PGF: variants seen among roughly 807,000 people sequenced by gnomAD.
PGF encodes placental growth factor, also known as placenta growth factor.
In PGF, 11 loss-of-function variants were observed where a neutral mutation model predicts 25.3. The ratio of observed to expected loss-of-function variants is 0.43; its 90% CI spans 0.27 to 0.72. PGF has a LOEUF of 0.72. Ranked by LOEUF, PGF falls within the 30% of genes least tolerant of loss-of-function variation. The probability of loss-of-function intolerance (pLI) is 0.18; values close to 1 mark genes in which losing one functional copy is unlikely to be tolerated. For synonymous variants in PGF, 105 were observed against 97.9 expected (o/e 1.07, Z -0.43); for missense variants, 230 against 234.9 (o/e 0.98, Z 0.14).
chr14:74,948,438 C>A, intron 4 of PGF, 69 bp downstream of exon 4: 1 of 950,582 alleles, frequency 1.1e-6, no homozygotes, highest in South Asian at 1.5e-5. Flanking sequence ...GCCCTGGGAC[C>A]CATCTTTGCT....
Position 74,946,359 on chromosome 14 carries a change from G to A in PGF, c.422+20C>T. ...CTGGCAGGCCCGAGAATAGCCCCGA[G>A]CCCCAGCCAAACCACTTACCTTTCC... On this transcript the variant is annotated intron_variant, in intron 5 of 6. Coordinates refer to ENST00000555567, the MANE Select transcript of PGF (RefSeq NM_002632.6). The A allele has an allele frequency of 6.2e-7, 1 of 1,613,514 alleles. No individual in the cohort carries two copies. The highest frequency in any genetic ancestry group is 8.5e-7 in the Non-Finnish European group (1 of 1,179,600).
chr14:74,951,304 A>G (rs1427636187), intron 2 of PGF, among the ~76,000 whole-genome samples: 1 of 152,170 alleles, frequency 6.6e-6, no homozygotes, highest in Non-Finnish European at 1.5e-5. Context: ...CCAGTGGGAA[A>G]CAAGGCCTCT....
At chr14:74,949,047 G>C (rs1191242595) in intron 3 of PGF, among the ~76,000 whole-genome samples, 1 of 152,184 alleles carries the variant, frequency 6.6e-6, no homozygotes, top group African/African-American at 2.4e-5. Flanking sequence ...AGCTGCACTT[G>C]CTTGAAAAGG....
rs777939531 is a variant in PGF at position 74,953,278 on chromosome 14, C to G, written c.118+626G>C. On this transcript the variant is annotated intron_variant, in intron 2 of 6. Transcript: ENST00000555567. The surrounding 1 kb of genome is among the most constrained non-coding windows in gnomAD (Gnocchi z 5.4). ...GGCCACTTTGCACGTCTTGGAGAGG[C>G]AGGGAGGGAGGAGCGAGGTAGGGGG... 1.2e-4 allele frequency among the ~76,000 whole-genome samples: 19 copies of G among 152,188 alleles called. No homozygotes were observed. Among genetic ancestry groups the G allele is most frequent in the Non-Finnish European group, 2.2e-4 (15 of 68,008 alleles).
chr14:74,955,194 G>T lies in PGF; in HGVS notation c.49C>A (p.Leu17Met). ...TGGGGGGGCACAGCAGGCAGCGCCA[G>T]CCCGGCCAGGAGCTGCAGGAAGCAA... ...FPCFLQLLAG[L>M]ALPAVPPQQW... is the part of the protein sequence containing the mutation. The change falls in exon 1 of 7, where the codon CTG becomes ATG. Residue 17 changes from leucine (L) to methionine (M), a missense_variant. By Grantham distance (15) the Leu-to-Met change is conservative (BLOSUM62 2). Transcript: ENST00000555567. The surrounding 1 kb of genome is among the most constrained non-coding windows in gnomAD (Gnocchi z 4.1). 1 of 1,488,006 alleles carries T rather than the reference G, an allele frequency of 6.7e-7. No homozygotes were observed. The highest frequency in any genetic ancestry group is 9.0e-7 in the Non-Finnish European group (1 of 1,111,242). 92.2% of individuals were successfully genotyped at this position (1,488,006 alleles called of 1,614,324 possible). A position where few individuals can be genotyped will look rare whatever the true frequency, so the allele number is the denominator to read the frequency against.
rs1266466810 is a variant in PGF, at chr14:74,950,651, T to C, written c.119-1098A>G. Among the ~76,000 whole-genome samples the C allele has an allele frequency of 6.6e-6, 1 of 152,232 alleles. No individual in the cohort carries two copies. Among genetic ancestry groups the C allele is most frequent in the African/African-American group, 2.4e-5 (1 of 41,468 alleles). On this transcript the variant is annotated intron_variant, in intron 2 of 6. Coordinates refer to ENST00000555567, the MANE Select transcript of PGF (RefSeq NM_002632.6). The surrounding 1 kb of genome is among the most constrained non-coding windows in gnomAD (Gnocchi z 4.1). ...CAGTCCTGGCCCTACACTGGCTATGTGACCTTGGGGAGATCACTTAACCTT... is the reference window on the plus strand; with the variant it reads ...CAGTCCTGGCCCTACACTGGCTATGCGACCTTGGGGAGATCACTTAACCTT...
intron 1 of PGF, among the ~76,000 whole-genome samples, chr14:74,954,705 C>G (rs61757877): frequency 0.019 from 2,935 of 152,132 alleles, 99 homozygotes; most frequent in African/African-American, 0.067. Flanking sequence ...CAGGAGCCCA[C>G]GGCTCAGTCC....
chr14:74,942,830 T>TG, intron 6 of PGF, 97 bp from the exon 7 acceptor site: 1 of 1,204,246 alleles, frequency 8.3e-7, no homozygotes, highest in Non-Finnish European at 1.2e-6. Context: ...AGGAGGAGCT[T>TG]GGGCAGGGAG....
chr14:74,952,319 A>G (rs917626759), intron 2 of PGF, among the ~76,000 whole-genome samples: 7 of 152,222 alleles, frequency 4.6e-5, no homozygotes, highest in African/African-American at 1.4e-4. Flanking sequence ...GGCAGGGCAC[A>G]CAGACAGCCT....
chr14:74,943,853 A>C (rs1888656109), intron 6 of PGF, among the ~76,000 whole-genome samples: 1 of 152,226 alleles, frequency 6.6e-6, no homozygotes, highest in Admixed American at 6.5e-5. Flanking sequence ...TTCCAGGAGA[A>C]AATTTAATTT....
In PGF at chr14:74,948,574, T is replaced by C; in HGVS notation, c.325A>G (p.Ile109Val). 1.2e-6 allele frequency: 2 copies of C among 1,601,124 alleles called. No homozygotes were observed. Among genetic ancestry groups the C allele is most frequent in the Non-Finnish European group, 1.7e-6 (2 of 1,170,352 alleles). ...TANVTMQLLK[I>V]RSGDRPSYVE... Reference sequence around the variant, plus strand: ...TAGGAGGGCCGGTCCCCAGAACGGATCTTTAGGAGCTGAAGGAAGAAAGAG... The same window carrying C: ...TAGGAGGGCCGGTCCCCAGAACGGACCTTTAGGAGCTGAAGGAAGAAAGAG... Residue 109 changes from isoleucine to valine, a missense_variant, in exon 4 of 7, where the codon ATC (isoleucine) becomes GTC (valine). Transcript: ENST00000555567.
In PGF at chr14:74,950,562, G is replaced by T. The variant is rs1207878132; in HGVS notation, c.119-1009C>A. Among the ~76,000 whole-genome samples the T allele has an allele frequency of 6.6e-6, 1 of 152,154 alleles. No individual in the cohort carries two copies. The highest frequency in any genetic ancestry group is 2.4e-5 in the African/African-American group (1 of 41,424). ...AAAGATGCTGCTCTTTCGGGGGAAG[G>T]CCTAGGACCAGGCCCCAAATAGAGG... On this transcript the variant is annotated intron_variant, in intron 2 of 6. Coordinates refer to ENST00000555567, the MANE Select transcript of PGF (RefSeq NM_002632.6). The surrounding 1 kb of genome is among the most constrained non-coding windows in gnomAD (Gnocchi z 4.1).
At chr14:74,949,252 C>T (rs1305669939) in intron 3 of PGF, 105 bp downstream of exon 3, 2 of 969,750 alleles carry the variant, frequency 2.1e-6, no homozygotes, top group African/African-American at 3.3e-5. Flanking sequence ...GAGCACTGGC[C>T]TGGGAGTCAG....
chr14:74,948,397 C>T (rs1888790293), intron 4 of PGF, 110 bp downstream of exon 4: 1 of 599,844 alleles, frequency 1.7e-6, no homozygotes, highest in Non-Finnish European at 2.9e-6. Context: ...AAAAGTTCAG[C>T]CCGCAGCGGG....
At chr14:74,942,821 G>T in intron 6 of PGF, 88 bp from the exon 7 acceptor site, 1 of 1,290,038 alleles carries the variant, frequency 7.8e-7, no homozygotes, top group Non-Finnish European at 1.1e-6. Flanking sequence ...CAGGCCCAGA[G>T]GAGGAGCTTG....
Position 74,955,133 on chromosome 14 carries a change from T to C in PGF, c.75+35A>G. ...TGCTTCCAGTGCTGGGATGGGGAGG[T>C]CTGGGGAGCCAGGCTAGGTGGGGGT... On this transcript the variant is annotated intron_variant, in intron 1 of 6. Transcript: ENST00000555567. The surrounding 1 kb of genome is among the most constrained non-coding windows in gnomAD (Gnocchi z 4.1). The C allele has an allele frequency of 7.7e-7, 1 of 1,299,154 alleles. No individual in the cohort carries two copies. Among genetic ancestry groups the C allele is most frequent in the Non-Finnish European group, 1.0e-6 (1 of 973,716 alleles). 80.5% of individuals were successfully genotyped at this position (1,299,154 alleles called of 1,614,324 possible).
intron 6 of PGF, chr14:74,945,784 A>C: frequency 6.0e-6 from 1 of 166,532 alleles, no homozygotes. Flanking sequence ...GCTACTAGGA[A>C]GTGGCCCCAG....
chr14:74,954,602 T>C (rs549410727), intron 1 of PGF, among the ~76,000 whole-genome samples: 98 of 152,086 alleles, frequency 6.4e-4, no homozygotes, highest in African/African-American at 2.3e-3. Flanking sequence ...AAAAGGGCCC[T>C]GCTCACTTCC....
At chr14:74,943,401 C>T (rs900899544) in intron 6 of PGF, among the ~76,000 whole-genome samples, 6 of 152,178 alleles carry the variant, frequency 3.9e-5, no homozygotes, top group African/African-American at 9.7e-5. Flanking sequence ...GAAAATATGG[C>T]TAATGACTGG....
Sources: gnomAD v4.1 joint callset for allele counts (sites outside exome capture counted in the v4.1 genomes callset) on GRCh38, gnomAD v4.1.1 for gene constraint, Gnocchi (gnomAD v3.1) non-coding constraint, MANE v1.5 for transcripts, NCBI Gene and HGNC (gene_info 2026-07-23, HGNC 2026-07-21) for gene names.